The following SLC10A7 variants were observed in gnomAD, a reference collection of about 807,000 sequenced individuals.
The protein encoded by SLC10A7 is solute carrier family 10 member 7.
SLC10A7 carries 29 observed loss-of-function variants against 43.2 expected under a neutral mutation model. The ratio of observed to expected loss-of-function variants is 0.67; its 90% CI spans 0.50 to 0.92. The LOEUF (loss-of-function observed/expected upper bound fraction) is 0.92, where lower values mean the gene tolerates loss of function less well. Among genes scored for constraint, SLC10A7 ranks in the 40% least tolerant of loss-of-function variants. The pLI is 0.00. For missense variants in SLC10A7, 295 were observed against 403.2 expected (o/e 0.73, Z 2.30); for synonymous variants, 152 against 144.8 (o/e 1.05, Z -0.35).
chr4:146,475,140 C>T (rs957250122), intron 4 of SLC10A7, among the ~76,000 whole-genome samples: 1 of 152,062 alleles, frequency 6.6e-6, no homozygotes, highest in Non-Finnish European at 1.5e-5. Flanking sequence ...AAAATAGATG[C>T]CATTTTACTT....
chr4:146,516,890 C>G (rs1045670371), intron 2 of SLC10A7, 148 bp downstream of exon 2: 58 of 579,234 alleles, frequency 1.0e-4, no homozygotes, highest in Non-Finnish European at 1.8e-5. Flanking sequence ...GAATGAAACA[C>G]AAGTCCTTTG....
intron 5 of SLC10A7, among the ~76,000 whole-genome samples, chr4:146,440,748 A>G (rs1730535364): frequency 6.6e-6 from 1 of 152,012 alleles, no homozygotes; most frequent in Non-Finnish European, 1.5e-5. Context: ...TCACTCTCAA[A>G]CTCTCTCTGG....
chr4:146,338,603 G>T (rs537072118), intron 5 of SLC10A7, among the ~76,000 whole-genome samples: 2 of 151,970 alleles, frequency 1.3e-5, no homozygotes, highest in Admixed American at 6.6e-5. Flanking sequence ...AAACTGAAAA[G>T]TTGATGCCCA....
chr4:146,481,061 A>G (rs181988811), intron 4 of SLC10A7, among the ~76,000 whole-genome samples: 1 of 151,952 alleles, frequency 6.6e-6, no homozygotes, highest in East Asian at 1.9e-4. Flanking sequence ...CCACCAAAGG[A>G]CTCCAACCCT....
intron 5 of SLC10A7, among the ~76,000 whole-genome samples, chr4:146,414,743 A>C (rs1257724027): frequency 6.6e-6 from 1 of 151,470 alleles, no homozygotes. Flanking sequence ...AAACTCACTG[A>C]GAAAACTGCT....
intron 5 of SLC10A7, among the ~76,000 whole-genome samples, chr4:146,343,071 A>G (rs1187531427): frequency 6.6e-6 from 1 of 151,974 alleles, no homozygotes; most frequent in Admixed American, 6.6e-5. Flanking sequence ...ATGCTTGTCA[A>G]TCAACTATTA....
At chr4:146,478,664 T>C (rs1734225994) in intron 4 of SLC10A7, among the ~76,000 whole-genome samples, 2 of 152,304 alleles carry the variant, frequency 1.3e-5, no homozygotes, top group South Asian at 2.1e-4. Context: ...GATTTGTAAA[T>C]ACAGTTGCAT....
intron 5 of SLC10A7, among the ~76,000 whole-genome samples, chr4:146,424,466 G>A (rs1729180120): frequency 6.6e-6 from 1 of 152,120 alleles, no homozygotes; most frequent in South Asian, 2.1e-4. Flanking sequence ...TTAGAGACCA[G>A]CCTGGCCAAT....
intron 7 of SLC10A7, 122 bp from the exon 8 acceptor site, chr4:146,294,217 A>T: frequency 1.4e-6 from 1 of 716,142 alleles, no homozygotes; most frequent in Non-Finnish European, 2.1e-6. Context: ...GCTGATGGCC[A>T]CAGTGGATTT....
At chr4:146,449,204 G>A (rs113889702) in intron 4 of SLC10A7, among the ~76,000 whole-genome samples, 1,850 of 152,266 alleles carry the variant, frequency 0.012, 14 homozygotes, top group Non-Finnish European at 0.017. Context: ...GGGTATATAA[G>A]TGAACCAGAA....
intron 5 of SLC10A7, among the ~76,000 whole-genome samples, chr4:146,347,658 TG>T (rs1476306134): frequency 6.6e-6 from 1 of 152,196 alleles, no homozygotes; most frequent in Non-Finnish European, 1.5e-5. Flanking sequence ...GTTATTTCTA[TG>T]CAAAAATGGA....
intron 5 of SLC10A7, among the ~76,000 whole-genome samples, chr4:146,351,588 T>C (rs1735109113): frequency 6.6e-6 from 1 of 151,728 alleles, no homozygotes; most frequent in Non-Finnish European, 1.5e-5. Flanking sequence ...AATTGTCAGA[T>C]TCACCAAACT....
intron 5 of SLC10A7, among the ~76,000 whole-genome samples, chr4:146,437,438 T>C (rs1297949001): frequency 6.6e-6 from 1 of 152,142 alleles, no homozygotes; most frequent in Non-Finnish European, 1.5e-5. Flanking sequence ...ACAGCATCTA[T>C]AAGATGGTAC....
chr4:146,432,928 C>T (rs1729889504), intron 5 of SLC10A7, among the ~76,000 whole-genome samples: 2 of 151,402 alleles, frequency 1.3e-5, no homozygotes, highest in African/African-American at 4.9e-5. Flanking sequence ...GTCCCAGCTA[C>T]TCGGGAGGCT....
At chr4:146,337,269 C>T (rs897553171) in intron 5 of SLC10A7, among the ~76,000 whole-genome samples, 1 of 152,004 alleles carries the variant, frequency 6.6e-6, no homozygotes, top group Non-Finnish European at 1.5e-5. Flanking sequence ...AGTATAAAGA[C>T]ATAAGCTTTC....
intron 5 of SLC10A7, among the ~76,000 whole-genome samples, chr4:146,330,789 C>CT (rs909414713): frequency 2.0e-5 from 3 of 152,118 alleles, no homozygotes; most frequent in African/African-American, 7.2e-5. Flanking sequence ...ATGGCTGTGC[C>CT]TTTGCCAGAG....
At chr4:146,270,573 G>A (rs879608789) in intron 10 of SLC10A7, among the ~76,000 whole-genome samples, 1 of 152,168 alleles carries the variant, frequency 6.6e-6, no homozygotes, top group Non-Finnish European at 1.5e-5. Context: ...GAGTTAACAG[G>A]TGTTGGGCAG....
At chr4:146,316,141 G>A (rs760437035) in intron 6 of SLC10A7, among the ~76,000 whole-genome samples, 2 of 152,170 alleles carry the variant, frequency 1.3e-5, no homozygotes, top group South Asian at 2.1e-4. Flanking sequence ...TGGACAAGGC[G>A]TTAATTTATC....
chr4:146,349,931 A>T (rs1734910016), intron 5 of SLC10A7, among the ~76,000 whole-genome samples: 1 of 152,106 alleles, frequency 6.6e-6, no homozygotes, highest in Non-Finnish European at 1.5e-5. Flanking sequence ...AAACCTCAGC[A>T]TTATTTCATA....
Sources: allele counts gnomAD v4.1 joint callset (sites outside exome capture counted in the v4.1 genomes callset), GRCh38; gene constraint gnomAD v4.1.1; transcripts MANE v1.5; gene names NCBI Gene and HGNC (gene_info 2026-07-23, HGNC 2026-07-21).